The following ANK3 variants were observed in gnomAD, a reference collection of about 807,000 sequenced individuals.
ANK3 encodes the protein ankyrin-3.
Under a neutral mutation model 370.9 loss-of-function variants are expected in ANK3, and 57 were observed. That is an observed-to-expected ratio of 0.15 (90% confidence interval 0.12 to 0.19). The LOEUF (loss-of-function observed/expected upper bound fraction) is 0.19, where lower values mean the gene tolerates loss of function less well. Ranked by LOEUF, ANK3 falls within the 10% of genes least tolerant of loss-of-function variation. ANK3 has a pLI of 1.00. For missense variants in ANK3, 4,439 were observed against 5,302.1 expected (o/e 0.84, Z 5.06); for synonymous variants, 1,929 against 1,946.3 (o/e 0.99, Z 0.23).
At chr10:60,533,664 A>G (rs936464814) in intron 2 of ANK3, among the ~76,000 whole-genome samples, 1 of 152,114 alleles carries the variant, frequency 6.6e-6, no homozygotes, top group Non-Finnish European at 1.5e-5. Flanking sequence ...TTTTGTCATG[A>G]GCTGGGCCGA....
At chr10:60,337,350 A>G (rs923404047) in intron 1 of ANK3, among the ~76,000 whole-genome samples, 6 of 151,768 alleles carry the variant, frequency 4.0e-5, no homozygotes, top group Admixed American at 6.6e-5. Context: ...TGTTTTCTGA[A>G]TTCTCCATTC....
At chr10:60,176,684 G>T (rs572834444) in intron 18 of ANK3, among the ~76,000 whole-genome samples, 7 of 152,184 alleles carry the variant, frequency 4.6e-5, no homozygotes, top group Admixed American at 4.6e-4. Context: ...GCCTGAATCC[G>T]GGAGGTAGAG....
At chr10:60,482,510 C>T (rs2075249395) in intron 2 of ANK3, among the ~76,000 whole-genome samples, 1 of 151,824 alleles carries the variant, frequency 6.6e-6, no homozygotes, top group Admixed American at 6.6e-5. Context: ...TTTTTTAAGA[C>T]AGAGTCTCAC....
chr10:60,682,575 C>T (rs1049412584), intron 1 of ANK3, among the ~76,000 whole-genome samples: 1 of 152,144 alleles, frequency 6.6e-6, no homozygotes, highest in African/African-American at 2.4e-5. Flanking sequence ...CAAGGAAGGA[C>T]TCCACTCTTC....
chr10:60,209,255 T>C (rs1465504958), intron 9 of ANK3, among the ~76,000 whole-genome samples: 1 of 152,156 alleles, frequency 6.6e-6, no homozygotes, highest in Non-Finnish European at 1.5e-5. Flanking sequence ...ATTCAGTTTC[T>C]AAAAAAATTG....
At chr10:60,108,008 G>A (rs2092367161) in intron 27 of ANK3, among the ~76,000 whole-genome samples, 1 of 151,930 alleles carries the variant, frequency 6.6e-6, no homozygotes, top group South Asian at 2.1e-4. Flanking sequence ...GCTACATTAA[G>A]TCAAGCCACT....
chr10:60,577,225 A>T (rs902788348), intron 2 of ANK3, among the ~76,000 whole-genome samples: 62 of 152,180 alleles, frequency 4.1e-4, no homozygotes, highest in African/African-American at 1.5e-3. Context: ...TCTTGTAGTT[A>T]GTTCCACCAC....
intron 2 of ANK3, among the ~76,000 whole-genome samples, chr10:60,601,543 T>C (rs1020400188): frequency 4.6e-5 from 7 of 152,040 alleles, no homozygotes; most frequent in Non-Finnish European, 1.0e-4. Context: ...ATCTAACCAG[T>C]ATCCCTCAAG....
At chr10:60,139,875 G>A (rs1185750419) in intron 23 of ANK3, 4 of 160,882 alleles carry the variant, frequency 2.5e-5, no homozygotes, top group Non-Finnish European at 4.0e-5. Flanking sequence ...TTCCAAGAGT[G>A]ACAAGGCAGG....
At chr10:60,682,087 C>G (rs2079203277) in intron 1 of ANK3, among the ~76,000 whole-genome samples, 1 of 152,156 alleles carries the variant, frequency 6.6e-6, no homozygotes, top group South Asian at 2.1e-4. Flanking sequence ...TTCAAGACTA[C>G]AGCAAACTAT....
At chr10:60,559,738 T>C (rs1046655952) in intron 2 of ANK3, among the ~76,000 whole-genome samples, 2 of 152,176 alleles carry the variant, frequency 1.3e-5, no homozygotes, top group African/African-American at 4.8e-5. Flanking sequence ...AGAATCTCCA[T>C]GTTAAAGATT....
rs2083243553 is a variant in ANK3, at chr10:60,073,824, G to A, written c.7057C>T (p.His2353Tyr). 6.2e-7 allele frequency: 1 copy of A among 1,613,482 alleles called. No individual in the cohort carries two copies. The highest frequency in any genetic ancestry group is 8.5e-7 in the Non-Finnish European group (1 of 1,179,976). The change falls in exon 37 of 44, where the codon CAT (histidine) becomes TAT (tyrosine). Residue 2353 changes from histidine to tyrosine, a missense_variant. Around this residue, in one of 13 missense-constraint regions of ANK3, gnomAD observed 1,601 missense variants for 1,731.7 expected, o/e 0.92. Coordinates refer to ENST00000280772, the MANE Select transcript of ANK3 (RefSeq NM_020987.5). ...TEVIIRETKKHPEKEMYVYQK... is the reference protein window; with the variant it reads ...TEVIIRETKKYPEKEMYVYQK... The stretch of plus-strand genomic sequence containing the variant: ...TATACATACATTTCTTTTTCTGGAT[G>A]CTTTTTGGTTTCTCTAATAATGACT...
At chr10:60,290,985 G>A (rs1272720960) in intron 1 of ANK3, among the ~76,000 whole-genome samples, 1 of 152,076 alleles carries the variant, frequency 6.6e-6, no homozygotes, top group Non-Finnish European at 1.5e-5. Flanking sequence ...TACATCAAAA[G>A]GAGGATCTAG....
intron 2 of ANK3, among the ~76,000 whole-genome samples, chr10:60,614,179 T>C (rs1430228266): frequency 6.6e-6 from 1 of 152,288 alleles, no homozygotes; most frequent in Non-Finnish European, 1.5e-5. Flanking sequence ...AGTTAATTAA[T>C]AGTTAGTTTA....
chr10:60,272,271 T>C (rs767668306), intron 4 of ANK3, among the ~76,000 whole-genome samples: 13 of 152,044 alleles, frequency 8.6e-5, no homozygotes, highest in Non-Finnish European at 1.8e-4. Flanking sequence ...TGAAAGATCA[T>C]TACATCCTTA....
chr10:60,698,923 AG>A (rs1224844325), intron 1 of ANK3, among the ~76,000 whole-genome samples: 3 of 124,320 alleles, frequency 2.4e-5, no homozygotes, highest in Admixed American at 1.7e-4. Flanking sequence ...ATAATAATAA[AG>A]AAAAATAAAT....
chr10:60,160,149 A>G (rs2095458298), intron 23 of ANK3, among the ~76,000 whole-genome samples: 1 of 133,964 alleles, frequency 7.5e-6, no homozygotes, highest in African/African-American at 3.0e-5. Context: ...AAGGTAATCA[A>G]TAAGCTTTTA....
intron 1 of ANK3, among the ~76,000 whole-genome samples, chr10:60,340,443 C>T (rs2054008655): frequency 6.6e-6 from 1 of 151,892 alleles, no homozygotes; most frequent in Admixed American, 6.6e-5. Flanking sequence ...CAGAGTCTCA[C>T]TCTGTTGCCC....
intron 2 of ANK3, among the ~76,000 whole-genome samples, chr10:60,522,629 T>C (rs2076374468): frequency 6.6e-6 from 1 of 152,086 alleles, no homozygotes; most frequent in Admixed American, 6.6e-5. Flanking sequence ...GCTACGTACT[T>C]GTCTAGGAGG....
Sources: allele counts gnomAD v4.1 joint callset (sites outside exome capture counted in the v4.1 genomes callset), GRCh38; gene constraint gnomAD v4.1.1; regional missense constraint gnomAD v4.1.1; transcripts MANE v1.5; gene names NCBI Gene and HGNC (gene_info 2026-07-23, HGNC 2026-07-21).